The following GLRA2 variants were observed in gnomAD, a reference collection of about 807,000 sequenced individuals.
GLRA2 encodes the protein glycine receptor subunit alpha-2.
GLRA2 carries 11 observed loss-of-function variants against 31.6 expected under a neutral mutation model. That is an observed-to-expected ratio of 0.35 (90% CI 0.22 to 0.58). GLRA2 has a LOEUF of 0.58. Among genes scored for constraint, GLRA2 ranks in the 20% least tolerant of loss-of-function variants. The probability of loss-of-function intolerance (pLI) is 0.84; values close to 1 mark genes in which losing one functional copy is unlikely to be tolerated. For synonymous variants in GLRA2, 132 were observed against 134.0 expected (o/e 0.99, Z 0.10); for missense variants, 212 against 351.8 (o/e 0.60, Z 3.18).
intron 8 of GLRA2, among the ~76,000 whole-genome samples, chrX:14,724,129 CTT>C (rs1358642769): frequency 1.8e-5 from 2 of 111,225 alleles, no homozygotes; most frequent in Non-Finnish European, 3.8e-5. Context: ...CTGTGTGTGT[CTT>C]GTGTGTATAT....
At chrX:14,558,459 A>G (rs762277130) in intron 2 of GLRA2, among the ~76,000 whole-genome samples, 1 of 112,081 alleles carries the variant, frequency 8.9e-6, no homozygotes, top group South Asian at 3.7e-4. Context: ...TACTTCAAAT[A>G]TATCTTTAAG....
chrX:14,659,403 T>TAACA (rs2090970722), intron 7 of GLRA2, among the ~76,000 whole-genome samples: 1 of 112,526 alleles, frequency 8.9e-6, no homozygotes, highest in South Asian at 3.6e-4. Flanking sequence ...TTTACCAATC[T>TAACA]AACAAAAATA....
At chrX:14,707,961 C>A (rs1306442705) in intron 8 of GLRA2, among the ~76,000 whole-genome samples, 1 of 110,574 alleles carries the variant, frequency 9.0e-6, no homozygotes, top group Non-Finnish European at 1.9e-5. Flanking sequence ...ACATTGTTAC[C>A]AGTTTCTTTT....
At chrX:14,595,526 A>G (rs748195990) in intron 4 of GLRA2, among the ~76,000 whole-genome samples, 2 of 111,923 alleles carry the variant, frequency 1.8e-5, no homozygotes, top group Non-Finnish European at 3.8e-5. Flanking sequence ...AGAAATGGTA[A>G]GTTAAAAAAT....
At chrX:14,476,167 A>G in the GLRA2 span, among the ~76,000 whole-genome samples, 1 of 112,144 alleles carries the variant, frequency 8.9e-6, no homozygotes, top group African/African-American at 3.2e-5. Flanking sequence ...ACTGCTCTGT[A>G]TATTTCAGTC....
In GLRA2 at chrX:14,538,983, T is replaced by TAA. The variant is rs749469669; in HGVS notation, c.202+6612_202+6613dup. Among the ~76,000 whole-genome samples the TAA allele has an allele frequency of 8.1e-5, 9 of 111,586 alleles. 1 individual carries two copies. The South Asian group carries it at 3.4e-3, about 42-fold the overall frequency. On this transcript the variant is annotated intron_variant, in intron 2 of 8. Transcript: ENST00000218075. ...TTGATTCTGGGCGACCCCATATCCT[T>TAA]AATTTTCATTATTGAATGAACTTAA...
At chrX:14,638,502 T>G (rs2147125901) in intron 7 of GLRA2, among the ~76,000 whole-genome samples, 1 of 111,455 alleles carries the variant, frequency 9.0e-6, no homozygotes, top group African/African-American at 3.3e-5. Flanking sequence ...TGAAATATTA[T>G]TTTTATCCTT....
chrX:14,581,654 T>G (rs2090017289), intron 4 of GLRA2, among the ~76,000 whole-genome samples: 1 of 111,080 alleles, frequency 9.0e-6, no homozygotes, highest in African/African-American at 3.3e-5. Context: ...TGCACAAATG[T>G]GTTCCTGATT....
At chrX:14,647,893 G>A (rs1411932537) in intron 7 of GLRA2, among the ~76,000 whole-genome samples, 1 of 112,190 alleles carries the variant, frequency 8.9e-6, no homozygotes, top group Non-Finnish European at 1.9e-5. Flanking sequence ...GTGTTGCAAT[G>A]GATATGTAAA....
chrX:14,719,203 A>T (rs2091832328), intron 8 of GLRA2, among the ~76,000 whole-genome samples: 1 of 111,830 alleles, frequency 8.9e-6, no homozygotes. Flanking sequence ...ATAATTAATG[A>T]CCTATAAAAG....
intron 7 of GLRA2, among the ~76,000 whole-genome samples, chrX:14,624,476 C>T (rs973484339): frequency 6.3e-5 from 7 of 111,754 alleles, no homozygotes; most frequent in Non-Finnish European, 1.1e-4. Flanking sequence ...CCTGCTTTCT[C>T]TTGGGGCATT....
intron 2 of GLRA2, among the ~76,000 whole-genome samples, chrX:14,572,984 T>C (rs1243370805): frequency 8.9e-6 from 1 of 112,060 alleles, no homozygotes; most frequent in African/African-American, 3.2e-5. Flanking sequence ...AAGAGAGTTC[T>C]GAGGGGTATA....
At chrX:14,697,016 G>T (rs920821202) in intron 8 of GLRA2, among the ~76,000 whole-genome samples, 11 of 110,134 alleles carry the variant, frequency 1.0e-4, no homozygotes, top group Admixed American at 9.7e-4. Context: ...AAATAGGCAA[G>T]AAATATTTCC....
intron 7 of GLRA2, among the ~76,000 whole-genome samples, chrX:14,660,358 T>G (rs185349095): frequency 3.8e-3 from 420 of 111,234 alleles, no homozygotes; most frequent in Non-Finnish European, 4.8e-3. Flanking sequence ...AAGAGGACAG[T>G]GTGTCTGGAG....
At chrX:14,495,757 A>C in the GLRA2 span, among the ~76,000 whole-genome samples, 2 of 110,047 alleles carry the variant, frequency 1.8e-5, no homozygotes, top group Non-Finnish European at 3.8e-5. Context: ...TCTGTTTTAT[A>C]GATAAGAATC....
the GLRA2 span, among the ~76,000 whole-genome samples, chrX:14,482,739 T>G: frequency 9.0e-6 from 1 of 111,089 alleles, no homozygotes; most frequent in African/African-American, 3.3e-5. Context: ...ATCATTATCA[T>G]AATTGTCACC....
chrX:14,726,963 G>C lies in GLRA2; in HGVS notation c.1081-3244G>C, dbSNP rs190312750. Reference sequence around the variant, plus strand: ...TAGAGGTGAGAGCTGTAATTTGCAAGATTCTGCAGATACGCAAAGGAAAAA... The same window carrying C: ...TAGAGGTGAGAGCTGTAATTTGCAACATTCTGCAGATACGCAAAGGAAAAA... On this transcript the variant is annotated intron_variant, in intron 8 of 8. Transcript: ENST00000218075. 2.5e-3 allele frequency among the ~76,000 whole-genome samples: 276 copies of C among 110,595 alleles called. 1 individual carries two copies. Among genetic ancestry groups the C allele is most frequent in the African/African-American group, 8.9e-3 (265 of 29,617 alleles).
At chrX:14,670,015 C>T (rs1016967203) in intron 7 of GLRA2, among the ~76,000 whole-genome samples, 1 of 112,248 alleles carries the variant, frequency 8.9e-6, no homozygotes, top group African/African-American at 3.2e-5. Flanking sequence ...ACACCGAAGT[C>T]ACCTCTTGAA....
chrX:14,666,710 C>T (rs993885209), intron 7 of GLRA2, among the ~76,000 whole-genome samples: 4 of 112,075 alleles, frequency 3.6e-5, no homozygotes, highest in Admixed American at 1.9e-4. Context: ...GCACTACCTA[C>T]TTGTTATTTC....
Sources: allele counts gnomAD v4.1 joint callset (sites outside exome capture counted in the v4.1 genomes callset), GRCh38; gene constraint gnomAD v4.1.1; transcripts MANE v1.5; gene names NCBI Gene and HGNC (gene_info 2026-07-23, HGNC 2026-07-21).